Variants in CPED1 observed in about 807,000 individuals in gnomAD.
The protein encoded by CPED1 is cadherin-like and PC-esterase domain-containing protein 1.
In CPED1, 114 loss-of-function variants were observed where a neutral mutation model predicts 128.2. That is an observed-to-expected ratio of 0.89 (90% confidence interval 0.76 to 1.04). The LOEUF (loss-of-function observed/expected upper bound fraction) is 1.04. Ranked by LOEUF, CPED1 falls within the 50% of genes least tolerant of loss-of-function variation. The pLI is 0.00. For missense variants in CPED1, 1,211 were observed against 1,207.1 expected (o/e 1.00, Z -0.05); for synonymous variants, 462 against 426.7 (o/e 1.08, Z -1.02).
At chr7:121,067,684 G>A (rs1793875592) in intron 5 of CPED1, among the ~76,000 whole-genome samples, 1 of 152,134 alleles carries the variant, frequency 6.6e-6, no homozygotes, top group Non-Finnish European at 1.5e-5. Flanking sequence ...CTGAGGAATC[G>A]CCACGCTGAC....
At chr7:121,056,201 G>T (rs1214858634) in intron 4 of CPED1, among the ~76,000 whole-genome samples, 3 of 151,888 alleles carry the variant, frequency 2.0e-5, no homozygotes, top group Non-Finnish European at 4.4e-5. Context: ...TGTTAGGAAT[G>T]GTATTTATTT....
chr7:121,005,412 G>C (rs1353717695), intron 2 of CPED1, among the ~76,000 whole-genome samples: 2 of 150,918 alleles, frequency 1.3e-5, no homozygotes, highest in Non-Finnish European at 2.9e-5. Context: ...CTTTTTAGTA[G>C]AATGATTTAT....
intron 16 of CPED1, among the ~76,000 whole-genome samples, chr7:121,208,967 T>C (rs1880364): frequency 0.99 from 150,791 of 152,154 alleles, 74,736 homozygotes; most frequent in Middle Eastern, 1. Flanking sequence ...GAGTATAGCA[T>C]ATGCATAATG....
intron 7 of CPED1, among the ~76,000 whole-genome samples, chr7:121,109,115 G>T (rs1005894431): frequency 6.6e-6 from 1 of 152,064 alleles, no homozygotes; most frequent in Non-Finnish European, 1.5e-5. Context: ...TTATCTAAAT[G>T]ACCTGATATT....
At chr7:121,138,524 A>T (rs2116358602) in intron 14 of CPED1, among the ~76,000 whole-genome samples, 1 of 152,200 alleles carries the variant, frequency 6.6e-6, no homozygotes, top group East Asian at 1.9e-4. Context: ...TGATGAAACC[A>T]AAAATAAGCA....
At chr7:121,097,631 C>T (rs959322460) in intron 5 of CPED1, 68 bp from the exon 6 acceptor site, 6 of 1,566,792 alleles carry the variant, frequency 3.8e-6, no homozygotes, top group Non-Finnish European at 5.2e-6. Flanking sequence ...ACAGCATACT[C>T]TATTTTCAAA....
chr7:121,248,268 A>C (rs1305869187), intron 18 of CPED1, among the ~76,000 whole-genome samples: 1 of 152,146 alleles, frequency 6.6e-6, no homozygotes, highest in Non-Finnish European at 1.5e-5. Context: ...CCTCCACAGG[A>C]CCAGCCTGGA....
intron 18 of CPED1, among the ~76,000 whole-genome samples, chr7:121,255,593 G>A (rs1220769309): frequency 2.6e-5 from 4 of 151,804 alleles, no homozygotes; most frequent in Non-Finnish European, 5.9e-5. Context: ...GAAATAAATG[G>A]CATCAAAATA....
intron 20 of CPED1, 54 bp from the exon 21 acceptor site, chr7:121,267,161 A>G: frequency 2.0e-6 from 2 of 978,348 alleles, no homozygotes; most frequent in Non-Finnish European, 3.2e-6. Flanking sequence ...AACAACAAAC[A>G]TCTAGAAATG....
chr7:121,026,827 C>CTTTTTTTT (rs71170219), intron 3 of CPED1, among the ~76,000 whole-genome samples: 1 of 83,470 alleles, frequency 1.2e-5, no homozygotes, highest in Admixed American at 1.6e-4. Flanking sequence ...CCTGTCAGTT[C>CTTTTTTTT]TTTTTTTTTT....
At chr7:120,996,906 A>G (rs1796415444) in intron 2 of CPED1, among the ~76,000 whole-genome samples, 1 of 152,210 alleles carries the variant, frequency 6.6e-6, no homozygotes, top group Non-Finnish European at 1.5e-5. Context: ...CAGGAGTTGT[A>G]ACGTTGAGCG....
chr7:121,063,265 C>T (rs991143104), intron 4 of CPED1, among the ~76,000 whole-genome samples: 8 of 150,794 alleles, frequency 5.3e-5, no homozygotes, highest in African/African-American at 1.7e-4. Context: ...TTGCCAAGCA[C>T]TTTAAATGAA....
intron 5 of CPED1, among the ~76,000 whole-genome samples, chr7:121,087,665 C>CTTTTTTTTTTTTTTTTTTTTTTCTTTTT: frequency 7.6e-6 from 1 of 131,572 alleles, no homozygotes; most frequent in Non-Finnish European, 1.6e-5. Flanking sequence ...CTTTTCTTTC[C>CTTTTTTTTTTTTTTTTTTTTTTCTTTTT]TGTTTTTTTT....
chr7:121,146,903 G>A (rs866339698), intron 16 of CPED1, among the ~76,000 whole-genome samples: 2 of 151,948 alleles, frequency 1.3e-5, no homozygotes, highest in African/African-American at 2.4e-5. Context: ...TCTCAATCTC[G>A]GCACTGTTGA....
At chr7:121,073,807 ATTTTT>A (rs34082656) in intron 5 of CPED1, among the ~76,000 whole-genome samples, 9 of 134,300 alleles carry the variant, frequency 6.7e-5, no homozygotes, top group Admixed American at 3.0e-4. Flanking sequence ...ACCTCTTCCC[ATTTTT>A]TTTTTTTTTT....
chr7:121,286,606 C>CTAGT (rs1220532109), intron 22 of CPED1, among the ~76,000 whole-genome samples: 2 of 152,084 alleles, frequency 1.3e-5, no homozygotes, highest in East Asian at 3.9e-4. Context: ...TTTTATAAAT[C>CTAGT]TAGTTAATAT....
chr7:121,171,758 T>TA (rs1796652776), intron 16 of CPED1, among the ~76,000 whole-genome samples: 1 of 152,222 alleles, frequency 6.6e-6, no homozygotes, highest in Non-Finnish European at 1.5e-5. Flanking sequence ...CCACAATAGA[T>TA]AAATGGGTAT....
At chr7:121,157,086 A>C (rs1388109247) in intron 16 of CPED1, among the ~76,000 whole-genome samples, 2 of 152,196 alleles carry the variant, frequency 1.3e-5, no homozygotes, top group African/African-American at 4.8e-5. Flanking sequence ...CAAACGTTAT[A>C]CTTGGATTTT....
chr7:121,047,717 T>TCTTCTTCTTCTTCTTCTTCTTCTTC (rs1276119777), intron 4 of CPED1, among the ~76,000 whole-genome samples: 4 of 88,974 alleles, frequency 4.5e-5, no homozygotes, highest in African/African-American at 2.3e-4. Flanking sequence ...TTCTTCTTCT[T>TCTTCTTCTTCTTCTTCTTCTTCTTC]TTTTTTTTTT....
Sources: allele counts gnomAD v4.1 joint callset (sites outside exome capture counted in the v4.1 genomes callset), GRCh38; gene constraint gnomAD v4.1.1; transcripts MANE v1.5; gene names NCBI Gene and HGNC (gene_info 2026-07-23, HGNC 2026-07-21).